LYPD6B: variants seen among roughly 807,000 people sequenced by gnomAD.
LYPD6B encodes LY6/PLAUR domain containing 6B, also known as ly6/PLAUR domain-containing protein 6B.
A neutral mutation model predicts 22.8 loss-of-function variants in LYPD6B; 17 were observed. That is an observed-to-expected ratio of 0.75 (90% CI 0.51 to 1.12). The LOEUF (loss-of-function observed/expected upper bound fraction) is 1.12, where lower values mean the gene tolerates loss of function less well. Among genes scored for constraint, LYPD6B ranks in the 50% most tolerant of loss-of-function variants. The pLI, the probability that LYPD6B is intolerant of heterozygous loss-of-function variation, is 0.00. For missense variants in LYPD6B, 221 were observed against 258.3 expected (o/e 0.86, Z 0.99); for synonymous variants, 106 against 91.6 (o/e 1.16, Z -0.90).
At chr2:149,106,510 G>T (rs1686478650) in intron 1 of LYPD6B, among the ~76,000 whole-genome samples, 1 of 152,082 alleles carries the variant, frequency 6.6e-6, no homozygotes, top group Non-Finnish European at 1.5e-5. Flanking sequence ...TTGGTAGATT[G>T]TACCTTTTAA....
intron 5 of LYPD6B, among the ~76,000 whole-genome samples, chr2:149,211,940 T>C (rs1365913762): frequency 6.6e-6 from 1 of 151,954 alleles, no homozygotes; most frequent in Non-Finnish European, 1.5e-5. Context: ...GTACTGTAGA[T>C]AGCTGGGTAG....
chr2:149,193,032 GT>G (rs1313034173), intron 3 of LYPD6B, among the ~76,000 whole-genome samples: 2 of 152,136 alleles, frequency 1.3e-5, no homozygotes, highest in Admixed American at 1.3e-4. Context: ...TTGTGAGTCT[GT>G]GGATTAGAAG....
At chr2:149,055,104 C>T (rs920518373) in intron 1 of LYPD6B, among the ~76,000 whole-genome samples, 1 of 152,140 alleles carries the variant, frequency 6.6e-6, no homozygotes, top group African/African-American at 2.4e-5. Context: ...TATTCTGTTG[C>T]ATGTGGCTTC....
At chr2:149,063,421 G>A (rs1262944642) in intron 1 of LYPD6B, among the ~76,000 whole-genome samples, 1 of 152,118 alleles carries the variant, frequency 6.6e-6, no homozygotes, top group Admixed American at 6.5e-5. Context: ...CCCTAAATAG[G>A]AAGGACTGAT....
chr2:149,088,029 C>T (rs1359375092), intron 1 of LYPD6B, among the ~76,000 whole-genome samples: 1 of 152,076 alleles, frequency 6.6e-6, no homozygotes, highest in Non-Finnish European at 1.5e-5. Flanking sequence ...CATCCACATT[C>T]GGCCTTCATA....
chr2:149,077,218 C>T (rs1684919253), intron 1 of LYPD6B, among the ~76,000 whole-genome samples: 1 of 152,162 alleles, frequency 6.6e-6, no homozygotes, highest in African/African-American at 2.4e-5. Context: ...AAAGATAAGG[C>T]AAAAGATCAG....
At chr2:149,208,250 T>C (rs547135932) in intron 4 of LYPD6B, 64 bp from the exon 5 acceptor site, 769 of 1,105,656 alleles carry the variant, frequency 7.0e-4, no homozygotes, top group Non-Finnish European at 1.0e-3. Flanking sequence ...TTTTGTACCA[T>C]GTTTGATGTT....
intron 1 of LYPD6B, among the ~76,000 whole-genome samples, chr2:149,072,662 C>G (rs34365139): frequency 0.21 from 31,420 of 151,670 alleles, 3,744 homozygotes; most frequent in East Asian, 0.35. Flanking sequence ...TCAGCCTCCC[C>G]GGTAGCTGGG....
At chr2:149,146,702 C>T (rs1364533644) in intron 2 of LYPD6B, among the ~76,000 whole-genome samples, 1 of 151,718 alleles carries the variant, frequency 6.6e-6, no homozygotes, top group Non-Finnish European at 1.5e-5. Flanking sequence ...GGGGCCACTC[C>T]TCAGAGACCC....
intron 1 of LYPD6B, among the ~76,000 whole-genome samples, chr2:149,129,504 C>T (rs997805458): frequency 3.9e-5 from 6 of 152,228 alleles, no homozygotes; most frequent in Non-Finnish European, 8.8e-5. Context: ...TGAACTCCTT[C>T]CTGCTGAAGT....
At chr2:149,202,037 T>C (rs1287641218) in intron 3 of LYPD6B, among the ~76,000 whole-genome samples, 1 of 152,222 alleles carries the variant, frequency 6.6e-6, no homozygotes, top group African/African-American at 2.4e-5. Flanking sequence ...ATCCTTGTGC[T>C]TGTTTTCAAT....
At chr2:149,202,665 G>T (rs1283314255) in intron 3 of LYPD6B, among the ~76,000 whole-genome samples, 2 of 152,126 alleles carry the variant, frequency 1.3e-5, no homozygotes, top group Non-Finnish European at 2.9e-5. Flanking sequence ...TCAAGACCTT[G>T]TTGGGGAGTC....
intron 1 of LYPD6B, among the ~76,000 whole-genome samples, chr2:149,092,742 A>T (rs1461372542): frequency 6.6e-6 from 1 of 152,224 alleles, no homozygotes; most frequent in African/African-American, 2.4e-5. Context: ...GCTCTCTTGT[A>T]AAGTGACAGC....
intron 3 of LYPD6B, among the ~76,000 whole-genome samples, chr2:149,165,584 G>A (rs901357944): frequency 6.6e-6 from 1 of 152,108 alleles, no homozygotes. Context: ...AGCACTATAT[G>A]GAGTCCTTTA....
intron 3 of LYPD6B, among the ~76,000 whole-genome samples, chr2:149,181,056 G>A (rs1691682577): frequency 6.6e-6 from 1 of 152,152 alleles, no homozygotes; most frequent in South Asian, 2.1e-4. Flanking sequence ...CCTAAAAGGA[G>A]CAATTTTATA....
chr2:149,099,889 G>A (rs1164127474), intron 1 of LYPD6B, among the ~76,000 whole-genome samples: 4 of 152,182 alleles, frequency 2.6e-5, no homozygotes, highest in African/African-American at 4.8e-5. Flanking sequence ...AAACTAGGCA[G>A]CCAGGGGCTT....
At chr2:149,069,660 C>T (rs1684506795) in intron 1 of LYPD6B, among the ~76,000 whole-genome samples, 1 of 151,742 alleles carries the variant, frequency 6.6e-6, no homozygotes, top group Non-Finnish European at 1.5e-5. Context: ...AAAAAAAAGT[C>T]CCTGTGGTAA....
At chr2:149,104,614 A>C (rs1198742492) in intron 1 of LYPD6B, among the ~76,000 whole-genome samples, 8 of 152,212 alleles carry the variant, frequency 5.3e-5, no homozygotes, top group Admixed American at 5.2e-4. Context: ...TTCTGTATGC[A>C]AATTCTCTAT....
At chr2:149,083,492 G>A (rs1685234919) in intron 1 of LYPD6B, among the ~76,000 whole-genome samples, 1 of 152,126 alleles carries the variant, frequency 6.6e-6, no homozygotes, top group Non-Finnish European at 1.5e-5. Context: ...AGCAGTAACA[G>A]TCTCTACACC....
Sources: allele counts gnomAD v4.1 joint callset (sites outside exome capture counted in the v4.1 genomes callset), GRCh38; gene constraint gnomAD v4.1.1; transcripts MANE v1.5; gene names NCBI Gene and HGNC (gene_info 2026-07-23, HGNC 2026-07-21).